PRKCE: variants seen among roughly 807,000 people sequenced by gnomAD.
PRKCE encodes protein kinase C epsilon type.
A neutral mutation model predicts 85.4 loss-of-function variants in PRKCE; 16 were observed. The ratio of observed to expected loss-of-function variants is 0.19; its 90% CI spans 0.13 to 0.28. PRKCE has a LOEUF of 0.28. Ranked by LOEUF, PRKCE falls within the 10% of genes least tolerant of loss-of-function variation. The pLI is 1.00. For missense variants in PRKCE, 573 were observed against 975.2 expected (o/e 0.59, Z 5.49); for synonymous variants, 388 against 371.5 (o/e 1.04, Z -0.51).
At chr2:45,882,669 C>A (rs1229134536) in intron 2 of PRKCE, among the ~76,000 whole-genome samples, 24 of 152,230 alleles carry the variant, frequency 1.6e-4, no homozygotes, top group Admixed American at 1.6e-3. Flanking sequence ...CTCAATTACT[C>A]CTTGACCCTG....
At chr2:45,693,586 A>C (rs1477368092) in intron 1 of PRKCE, among the ~76,000 whole-genome samples, 1 of 152,210 alleles carries the variant, frequency 6.6e-6, no homozygotes, top group Admixed American at 6.5e-5. Flanking sequence ...GTCTTGAGCT[A>C]GCTGAAAATA....
chr2:45,974,291 G>A (rs1168678743), intron 2 of PRKCE, among the ~76,000 whole-genome samples: 1 of 152,188 alleles, frequency 6.6e-6, no homozygotes, highest in African/African-American at 2.4e-5. Context: ...AACAGACCTG[G>A]GTCCTCCCGT....
At chr2:45,764,868 G>A (rs1467181665) in intron 1 of PRKCE, among the ~76,000 whole-genome samples, 2 of 152,144 alleles carry the variant, frequency 1.3e-5, no homozygotes, top group Non-Finnish European at 2.9e-5. Context: ...CCTAACTCCT[G>A]TCTTTATTCT....
At chr2:46,057,441 T>C (rs1464008013) in intron 10 of PRKCE, among the ~76,000 whole-genome samples, 2 of 151,698 alleles carry the variant, frequency 1.3e-5, no homozygotes, top group Admixed American at 1.3e-4. Context: ...TCTTCAACTT[T>C]TTTTTTTTTT....
rs149872129 is a variant in PRKCE, at chr2:46,030,838, C to T, written c.1437+20321C>T. On this transcript the variant is annotated intron_variant, in intron 10 of 14. Transcript: ENST00000306156. Reference sequence around the variant, plus strand: ...TGTATTCCTGCACCACAAACTCTAACATCCTTGCAGTCTTGGTCATCCACG... The same window carrying T: ...TGTATTCCTGCACCACAAACTCTAATATCCTTGCAGTCTTGGTCATCCACG... Among the ~76,000 whole-genome samples, 169 of 152,380 alleles carry T rather than the reference C, an allele frequency of 1.1e-3. 1 individual carries two copies. The highest frequency in any genetic ancestry group is 8.1e-3 in the South Asian group (39 of 4,828).
intron 1 of PRKCE, among the ~76,000 whole-genome samples, chr2:45,775,157 A>G (rs919616510): frequency 5.3e-5 from 8 of 152,154 alleles, no homozygotes; most frequent in African/African-American, 1.7e-4. Flanking sequence ...CCCATTGTCC[A>G]TGTTTATATC....
intron 10 of PRKCE, among the ~76,000 whole-genome samples, chr2:46,058,367 C>A (rs1666797477): frequency 2.0e-5 from 3 of 152,212 alleles, no homozygotes; most frequent in South Asian, 4.1e-4. Flanking sequence ...TCCAGATGCT[C>A]ATTGTGTGGG....
intron 1 of PRKCE, among the ~76,000 whole-genome samples, chr2:45,834,568 C>G (rs1241276249): frequency 1.3e-5 from 2 of 149,716 alleles, no homozygotes; most frequent in African/African-American, 4.9e-5. Context: ...GACGTATGTG[C>G]AGATCACGTG....
chr2:45,802,539 A>G (rs1185242742), intron 1 of PRKCE, among the ~76,000 whole-genome samples: 1 of 152,230 alleles, frequency 6.6e-6, no homozygotes, highest in Non-Finnish European at 1.5e-5. Context: ...CCTGCCTCAC[A>G]CTGATGAGGC....
chr2:45,660,424 C>G (rs1355570491), intron 1 of PRKCE, among the ~76,000 whole-genome samples: 1 of 152,126 alleles, frequency 6.6e-6, no homozygotes, highest in Non-Finnish European at 1.5e-5. Flanking sequence ...ATTTTCTACC[C>G]TCTGAGTGCC....
At chr2:45,812,331 G>A (rs2105272797) in intron 1 of PRKCE, among the ~76,000 whole-genome samples, 1 of 152,336 alleles carries the variant, frequency 6.6e-6, no homozygotes, top group South Asian at 2.1e-4. Flanking sequence ...TCTATCCTAG[G>A]CAGCAGAAAG....
At chr2:45,770,795 T>C (rs1282762634) in intron 1 of PRKCE, 1 of 152,160 alleles carries the variant, frequency 6.6e-6, no homozygotes, top group Non-Finnish European at 1.5e-5. Context: ...CCAGGCTGCT[T>C]CTTGCCATGT....
chr2:45,974,031 G>A (rs1454346345), intron 2 of PRKCE, among the ~76,000 whole-genome samples: 2 of 152,294 alleles, frequency 1.3e-5, no homozygotes, highest in Non-Finnish European at 2.9e-5. Context: ...AAAATAACCT[G>A]CATCCTGTGT....
At chr2:46,109,118 A>G (rs1672014802) in intron 11 of PRKCE, among the ~76,000 whole-genome samples, 1 of 152,172 alleles carries the variant, frequency 6.6e-6, no homozygotes, top group Non-Finnish European at 1.5e-5. Flanking sequence ...AAGTCTCAAA[A>G]TTGGTTAATG....
At chr2:45,754,843 G>A (rs1055747276) in intron 1 of PRKCE, among the ~76,000 whole-genome samples, 1 of 152,222 alleles carries the variant, frequency 6.6e-6, no homozygotes, top group Non-Finnish European at 1.5e-5. Context: ...ACCACAATGC[G>A]GTGCTAGGAG....
intron 1 of PRKCE, among the ~76,000 whole-genome samples, chr2:45,730,240 G>GT (rs1681449648): frequency 6.6e-6 from 1 of 152,144 alleles, no homozygotes; most frequent in Non-Finnish European, 1.5e-5. Flanking sequence ...GTAACCTCAA[G>GT]TTTTTGGGCT....
intron 2 of PRKCE, among the ~76,000 whole-genome samples, chr2:45,922,365 C>T (rs967665121): frequency 1.3e-5 from 2 of 152,170 alleles, no homozygotes; most frequent in Admixed American, 6.5e-5. Context: ...TGCTAACCCA[C>T]CAAGTGTTGT....
intron 2 of PRKCE, among the ~76,000 whole-genome samples, chr2:45,893,830 C>T (rs929533706): frequency 3.9e-5 from 6 of 152,248 alleles, no homozygotes; most frequent in South Asian, 2.1e-4. Flanking sequence ...TCCTGAGGAC[C>T]GGGGCTGGTC....
At chr2:45,845,315 G>A (rs1691692083) in intron 2 of PRKCE, 1 of 151,984 alleles carries the variant, frequency 6.6e-6, no homozygotes, top group Non-Finnish European at 1.5e-5. Flanking sequence ...CGTGAGATGG[G>A]TCTGGGGTGA....
Sources: gnomAD v4.1 joint callset for allele counts (sites outside exome capture counted in the v4.1 genomes callset) on GRCh38, gnomAD v4.1.1 for gene constraint, MANE v1.5 for transcripts, NCBI Gene and HGNC (gene_info 2026-07-23, HGNC 2026-07-21) for gene names.